The following UNC79 variants were observed in gnomAD, a reference collection of about 807,000 sequenced individuals.
UNC79 encodes unc-79 subunit of NALCN channel complex.
A neutral mutation model predicts 283.1 loss-of-function variants in UNC79; 37 were observed. The ratio of observed to expected loss-of-function variants is 0.13; its 90% confidence interval spans 0.10 to 0.17. UNC79 has a LOEUF of 0.17. UNC79 is among the 10% of genes least tolerant of loss of function. The probability of loss-of-function intolerance (pLI) is 1.00; values close to 1 mark genes in which losing one functional copy is unlikely to be tolerated. For synonymous variants in UNC79, 1,107 were observed against 1,200.2 expected (o/e 0.92, Z 1.61); for missense variants, 2,272 against 3,211.1 (o/e 0.71, Z 7.07).
intron 30 of UNC79, among the ~76,000 whole-genome samples, chr14:93,628,023 T>C (rs2067701475): frequency 6.6e-6 from 1 of 152,206 alleles, no homozygotes; most frequent in Non-Finnish European, 1.5e-5. Flanking sequence ...ATGATTATTT[T>C]AGTAGTATTT....
chr14:93,398,032 G>T (rs1280281769), intron 1 of UNC79, among the ~76,000 whole-genome samples: 2 of 152,100 alleles, frequency 1.3e-5, no homozygotes, highest in African/African-American at 4.8e-5. Context: ...AATTTTGCCA[G>T]TTTTCTCTTT....
At chr14:93,564,552 A>G (rs758393504) in intron 14 of UNC79, among the ~76,000 whole-genome samples, 15 of 152,244 alleles carry the variant, frequency 9.9e-5, no homozygotes, top group East Asian at 1.9e-4. Flanking sequence ...AGGTCCCCCA[A>G]TCTGAGTCAC....
intron 1 of UNC79, among the ~76,000 whole-genome samples, chr14:93,416,386 C>T (rs1257841664): frequency 6.6e-6 from 1 of 150,980 alleles, no homozygotes; most frequent in African/African-American, 2.4e-5. Flanking sequence ...GTCTGAGAGA[C>T]AGTTTGTTAT....
At chr14:93,459,337 G>A (rs2056881289) in intron 1 of UNC79, among the ~76,000 whole-genome samples, 1 of 152,178 alleles carries the variant, frequency 6.6e-6, no homozygotes. Context: ...AAAGTAAAGG[G>A]CAGGACTAGT....
At chr14:93,496,792 G>A (rs984750524) in intron 6 of UNC79, among the ~76,000 whole-genome samples, 1 of 152,166 alleles carries the variant, frequency 6.6e-6, no homozygotes, top group Non-Finnish European at 1.5e-5. Context: ...AATAGGAGAT[G>A]TGAATGTTTA....
At chr14:93,686,730 A>T (rs974933008) in intron 43 of UNC79, 69 bp downstream of exon 46, 2 of 1,562,558 alleles carry the variant, frequency 1.3e-6, no homozygotes, top group East Asian at 2.3e-5. Flanking sequence ...AATTAAGCAG[A>T]CCATAGGGAA....
intron 1 of UNC79, among the ~76,000 whole-genome samples, chr14:93,362,173 T>G (rs1336012234): frequency 5.3e-5 from 8 of 152,102 alleles, no homozygotes; most frequent in Non-Finnish European, 8.8e-5. Flanking sequence ...TCTCACCAGG[T>G]TTTGGTATCA....
At chr14:93,572,608 G>T in intron 15 of UNC79, 85 bp from the exon 16 acceptor site, 2 of 1,565,548 alleles carry the variant, frequency 1.3e-6, no homozygotes, top group South Asian at 1.2e-5. Context: ...TCTCCAAATA[G>T]GGAATAGTTA....
intron 14 of UNC79, among the ~76,000 whole-genome samples, chr14:93,561,537 T>C (rs1384860739): frequency 6.6e-6 from 1 of 151,614 alleles, no homozygotes; most frequent in Non-Finnish European, 1.5e-5. Context: ...GAAAGGGAAA[T>C]GCAAAGCAAG....
rs372672711 is a variant in UNC79 at position 93,476,180 on chromosome 14, C to T, written c.449-1378C>T. On this transcript the variant is annotated intron_variant, in intron 3 of 48. Coordinates refer to ENST00000555664, the Ensembl canonical transcript of UNC79. ...CTTCTTTTGCATAGACTTTGAGAGC[C>T]GCTGCACTAAGACCGGAGGCTGTGT... 5.3e-5 allele frequency among the ~76,000 whole-genome samples: 8 copies of T among 152,088 alleles called. No individual in the cohort carries two copies. The East Asian group carries it at 5.8e-4, about 11-fold the overall frequency.
Position 93,467,659 on chromosome 14 carries a change from G to GTTT in UNC79, c.23-12_23-11insTTT. 7.0e-5 allele frequency: 16 copies of GTTT among 227,802 alleles called. No individual in the cohort carries two copies. Among genetic ancestry groups the GTTT allele is most frequent in the Non-Finnish European group, 8.8e-5 (16 of 181,082 alleles). 14.1% of individuals were successfully genotyped at this position (227,802 alleles called of 1,614,324 possible). A position where few individuals can be genotyped will look rare whatever the true frequency, so the allele number is the denominator to read the frequency against. On this transcript the variant is annotated splice_polypyrimidine_tract_variant and intron_variant, in intron 1 of 48. Coordinates refer to ENST00000555664, the Ensembl canonical transcript of UNC79. ...TTTTTTTTTTTTTTTTTTTTTTTTT[G>GTTT]CTTTTATCTAGTTGCTTCCAAGATC...
chr14:93,347,217 G>GCCTCA (rs2053862473), intron 1 of UNC79: 3 of 1,527,766 alleles, frequency 2.0e-6, no homozygotes, highest in Admixed American at 4.0e-5. Context: ...GCGTTACTTG[G>GCCTCA]CCTCACCTCA....
chr14:93,417,304 A>T, intron 1 of UNC79, among the ~76,000 whole-genome samples: 1 of 152,098 alleles, frequency 6.6e-6, no homozygotes, highest in East Asian at 1.9e-4. Flanking sequence ...TGGATATGAA[A>T]TTCTGGGTTG....
At chr14:93,575,793 G>A (rs2063445004) in intron 17 of UNC79, among the ~76,000 whole-genome samples, 1 of 152,182 alleles carries the variant, frequency 6.6e-6, no homozygotes, top group Non-Finnish European at 1.5e-5. Flanking sequence ...CTGTTCTCAG[G>A]CCGTGAGCAG....
Position 93,474,443 on chromosome 14 carries a change from G to T in UNC79, c.448+50G>T. On this transcript the variant is annotated intron_variant, in intron 3 of 48. Coordinates refer to ENST00000555664, the Ensembl canonical transcript of UNC79. The surrounding 1 kb of genome is among the most constrained non-coding windows in gnomAD (Gnocchi z 4.1). ...GAAATGTACGTGGATGCTTATGAAT[G>T]TATATGATGCTGAGCAAGGGGCTTG... The T allele has an allele frequency of 6.6e-7, 1 of 1,504,936 alleles. No individual in the cohort carries two copies. Among genetic ancestry groups the T allele is most frequent in the Non-Finnish European group, 8.9e-7 (1 of 1,128,596 alleles). The allele number at this position is 1,504,936 out of a possible 1,614,324, so 93.2% of individuals were successfully genotyped here.
intron 7 of UNC79, among the ~76,000 whole-genome samples, chr14:93,511,828 G>A (rs911604948): frequency 1.3e-5 from 2 of 152,116 alleles, no homozygotes. Flanking sequence ...TGTTCTGTAT[G>A]TATCATTGTT....
chr14:93,481,873 T>C (rs1283040345), intron 4 of UNC79, among the ~76,000 whole-genome samples: 1 of 152,252 alleles, frequency 6.6e-6, no homozygotes, highest in African/African-American at 2.4e-5. Flanking sequence ...GAGAGTTTTA[T>C]TGCCGAGTCA....
chr14:93,335,043 TCAA>T, intron 1 of UNC79: 1 of 152,350 alleles, frequency 6.6e-6, no homozygotes, highest in African/African-American at 2.4e-5. Flanking sequence ...TAAAATGGTA[TCAA>T]CAACAATAGA....
chr14:93,616,995 G>C, intron 27 of UNC79, 127 bp from the exon 29 acceptor site: 1 of 775,282 alleles, frequency 1.3e-6, no homozygotes. Context: ...TTAATATTCT[G>C]TGGGATGCCT....
Sources: allele counts gnomAD v4.1 joint callset (sites outside exome capture counted in the v4.1 genomes callset), GRCh38; gene constraint gnomAD v4.1.1; non-coding constraint Gnocchi (gnomAD v3.1); transcripts MANE v1.5; gene names NCBI Gene and HGNC (gene_info 2026-07-23, HGNC 2026-07-21).